Variants in SLC22A5 observed in about 807,000 individuals in gnomAD.
SLC22A5 encodes the protein solute carrier family 22 member 5.
Under a neutral mutation model 56.7 loss-of-function variants are expected in SLC22A5, and 44 were observed. That is an observed-to-expected ratio of 0.78 (90% CI 0.61 to 1.00). SLC22A5 has a LOEUF of 1.00. SLC22A5 is among the 50% of genes least tolerant of loss of function. The pLI is 0.00. For missense variants in SLC22A5, 675 were observed against 723.0 expected (o/e 0.93, Z 0.76); for synonymous variants, 278 against 292.1 (o/e 0.95, Z 0.49).
chr5:132,373,973 C>T (rs972296928), intron 1 of SLC22A5, among the ~76,000 whole-genome samples: 8 of 152,082 alleles, frequency 5.3e-5, no homozygotes, highest in African/African-American at 1.9e-4. Context: ...AAACCCAGCA[C>T]TTTGGGAGGC....
chr5:132,391,849 T>G (rs917891883), intron 7 of SLC22A5, among the ~76,000 whole-genome samples: 2 of 152,164 alleles, frequency 1.3e-5, no homozygotes, highest in African/African-American at 4.8e-5. Flanking sequence ...CTGAGAACAC[T>G]GCACGGGAAC....
intron 5 of SLC22A5, among the ~76,000 whole-genome samples, chr5:132,387,427 C>G (rs1752573202): frequency 6.6e-6 from 1 of 152,086 alleles, no homozygotes; most frequent in South Asian, 2.1e-4. Context: ...ATATTTTAAC[C>G]ATTACTTCTA....
chr5:132,382,547 C>A, intron 2 of SLC22A5: 1 of 152,248 alleles, frequency 6.6e-6, no homozygotes. Flanking sequence ...AGAGCTTGGT[C>A]CCTACACCTT....
intron 4 of SLC22A5, 102 bp downstream of exon 4, chr5:132,385,601 A>G: frequency 6.6e-6 from 6 of 912,128 alleles, no homozygotes; most frequent in Non-Finnish European, 9.0e-6. Context: ...TTTGTCTCCC[A>G]GAGACAGGAA....
chr5:132,388,240 G>C (rs898929567), intron 5 of SLC22A5, among the ~76,000 whole-genome samples: 2 of 152,132 alleles, frequency 1.3e-5, no homozygotes, highest in Non-Finnish European at 2.9e-5. Context: ...AGGAAATGAG[G>C]CTATTTCAGG....
Position 132,394,440 on chromosome 5 carries a change from G to A in SLC22A5, c.*168G>A. 1 of 674,092 alleles carries A rather than the reference G, an allele frequency of 1.5e-6. No individual in the cohort carries two copies. The highest frequency in any genetic ancestry group is 1.7e-5 in the South Asian group (1 of 57,346). 41.8% of individuals were successfully genotyped at this position (674,092 alleles called of 1,614,324 possible). ...GCACCCACACTCAGAGGCTACATAT[G>A]GCCCTAGAGCACCACCTTCCTCTAG... is the stretch of plus-strand genomic sequence containing the variant. On this transcript the variant is annotated 3_prime_UTR_variant, in exon 10 of 10. Coordinates refer to ENST00000245407, the MANE Select transcript of SLC22A5 (RefSeq NM_003060.4).
Position 132,389,202 on chromosome 5 carries a change from C to G in SLC22A5, c.1052+181C>G, listed in dbSNP as rs995506137. ...GTCACAATTCTTAATGGGATGGAAC[C>G]TCAGAAAAGGAGAATGAAAACAATT... On this transcript the variant is annotated intron_variant, in intron 6 of 9. Transcript: ENST00000245407. 40 of 608,716 alleles carry G rather than the reference C, an allele frequency of 6.6e-5. No homozygotes were observed. In the East Asian group the frequency reaches 1.2e-3, roughly 18 times the overall value. 37.7% of individuals were successfully genotyped at this position (608,716 alleles called of 1,614,324 possible).
Position 132,392,644 on chromosome 5 carries a change from G to C in SLC22A5, c.1450+29G>C, listed in dbSNP as rs11568518. 2.0e-5 allele frequency: 32 copies of C among 1,597,204 alleles called. No homozygotes were observed. In the African/African-American group the frequency reaches 4.0e-4, roughly 20 times the overall value. On this transcript the variant is annotated intron_variant, in intron 8 of 9. Coordinates refer to ENST00000245407, the MANE Select transcript of SLC22A5 (RefSeq NM_003060.4). The stretch of plus-strand genomic sequence containing the variant: ...AGTCCCATGAGCCAAGGGCACACTA[G>C]AGCAACGGGATGGAAGTACTAACTG...
chr5:132,392,557 A>G lies in SLC22A5; in HGVS notation c.1392A>G (p.Gly464=). Residue 464 remains glycine, a synonymous_variant, in exon 8 of 10, where the codon GGA becomes GGG. Coordinates refer to ENST00000245407, the MANE Select transcript of SLC22A5 (RefSeq NM_003060.4). ...CAGTGGTGAGAAACATGGGTGTGGG[A>G]GTCAGCTCCACAGCATCCCGCCTGG... is the stretch of plus-strand genomic sequence containing the variant. The part of the protein sequence containing the change: ...YPTVVRNMGV[G]VSSTASRLGS... 3.1e-6 allele frequency: 5 copies of G among 1,614,192 alleles called. No individual in the cohort carries two copies. The highest frequency in any genetic ancestry group is 4.2e-6 in the Non-Finnish European group (5 of 1,180,020).
Position 132,370,003 on chromosome 5 carries a change from C to T in SLC22A5, c.31C>T (p.Leu11=). 3 of 1,613,314 alleles carry T rather than the reference C, an allele frequency of 1.9e-6. No individual in the cohort carries two copies. The highest frequency in any genetic ancestry group is 1.7e-4 in the Middle Eastern group (1 of 6,056). ...GGACTACGACGAGGTGACCGCCTTC[C>T]TGGGCGAGTGGGGGCCCTTCCAGCG... The part of the protein sequence containing the change: MRDYDEVTAF[L]GEWGPFQRLI... The change falls in exon 1 of 10, where the codon CTG becomes TTG. Residue 11 remains leucine, a synonymous_variant. Transcript: ENST00000245407.
Position 132,369,999 on chromosome 5 carries a change from C to A in SLC22A5, c.27C>A (p.Ala9=). The change falls in exon 1 of 10, where the codon GCC becomes GCA. Residue 9 remains alanine, a synonymous_variant. Transcript: ENST00000245407. The part of the protein sequence containing the change: MRDYDEVT[A]FLGEWGPFQR... ...TGCGGGACTACGACGAGGTGACCGC[C>A]TTCCTGGGCGAGTGGGGGCCCTTCC... is the stretch of plus-strand genomic sequence containing the variant. 6.2e-7 allele frequency: 1 copy of A among 1,613,306 alleles called. No homozygotes were observed. Among genetic ancestry groups the A allele is most frequent in the Admixed American group, 1.7e-5 (1 of 60,012 alleles).
At position 132,370,116 on chromosome 5, in the gene SLC22A5, C is replaced by T. The variant is rs745897099; in HGVS notation, c.144C>T (p.His48=). Residue 48 remains histidine (H), a synonymous_variant, in exon 1 of 10, where the codon CAC becomes CAT. Coordinates refer to ENST00000245407, the MANE Select transcript of SLC22A5 (RefSeq NM_003060.4). ...SSVFLIATPE[H]RCRVPDAANL... ...TGTTCCTGATAGCGACCCCGGAGCA[C>T]CGCTGCCGGGTGCCGGACGCCGCGA... 3 of 1,611,606 alleles carry T rather than the reference C, an allele frequency of 1.9e-6. No homozygotes were observed. The highest frequency in any genetic ancestry group is 1.7e-5 in the Admixed American group (1 of 59,878).
chr5:132,384,432 C>T (rs1752454800), intron 3 of SLC22A5, 131 bp downstream of exon 3: 3 of 972,088 alleles, frequency 3.1e-6, no homozygotes, highest in Non-Finnish European at 3.2e-6. Context: ...CCAGAGCTTC[C>T]TGGTGAACCT....
chr5:132,390,490 G>A (rs942637650), intron 6 of SLC22A5, 200 bp from the exon 7 acceptor site: 3 of 666,860 alleles, frequency 4.5e-6, no homozygotes, highest in Non-Finnish European at 8.2e-6. Context: ...CTGGCGCAGG[G>A]TTTACACTGT....
chr5:132,385,219 G>T, intron 3 of SLC22A5, 109 bp from the exon 4 acceptor site: 2 of 1,013,740 alleles, frequency 2.0e-6, no homozygotes, highest in Non-Finnish European at 3.1e-6. Context: ...TGAACTTAGA[G>T]AGAGTTCTCG....
rs75495463 is a variant in SLC22A5 at position 132,390,546 on chromosome 5, C to T, written c.1053-144C>T. 6,329 of 731,544 alleles carry T rather than the reference C, an allele frequency of 8.7e-3. 248 individuals are homozygous for T. The African/African-American group carries it at 0.092, about 11-fold the overall frequency. The allele number at this position is 731,544 out of a possible 1,614,324, so 45.3% of individuals were successfully genotyped here. ...TTATCTTTTGATCTATGAAGTAAGACGCAGGGTTACAGTTACTGCTGCCTT... is the reference window on the plus strand; with the variant it reads ...TTATCTTTTGATCTATGAAGTAAGATGCAGGGTTACAGTTACTGCTGCCTT... On this transcript the variant is annotated intron_variant, in intron 6 of 9. Transcript: ENST00000245407.
intron 5 of SLC22A5, 44 bp downstream of exon 5, chr5:132,387,195 G>A: frequency 1.2e-6 from 2 of 1,612,796 alleles, no homozygotes; most frequent in East Asian, 2.2e-5. Flanking sequence ...GACTGACCGT[G>A]ATTTGAGAGC....
chr5:132,386,331 G>T (rs555046451), intron 4 of SLC22A5, among the ~76,000 whole-genome samples: 28 of 151,268 alleles, frequency 1.9e-4, no homozygotes, highest in African/African-American at 6.8e-4. Flanking sequence ...CAGTTCAAGC[G>T]ATTCTCATGT....
chr5:132,392,743 T>A (rs10080188), intron 8 of SLC22A5, 128 bp downstream of exon 8: 26,874 of 805,996 alleles, frequency 0.033, 564 homozygotes, highest in Middle Eastern at 0.1. Flanking sequence ...CATCCAGTAC[T>A]GGATCTTTGG....
Sources: allele counts gnomAD v4.1 joint callset (sites outside exome capture counted in the v4.1 genomes callset), GRCh38; gene constraint gnomAD v4.1.1; transcripts MANE v1.5; gene names NCBI Gene and HGNC (gene_info 2026-07-23, HGNC 2026-07-21).